NELL1: variants seen among roughly 807,000 people sequenced by gnomAD.
NELL1 encodes protein kinase C-binding protein NELL1.
Under a neutral mutation model 107.4 loss-of-function variants are expected in NELL1, and 76 were observed. The observed-to-expected ratio is 0.71, with a 90% CI of 0.59 to 0.86. The LOEUF is 0.86. Among genes scored for constraint, NELL1 ranks in the 40% least tolerant of loss-of-function variants. NELL1 has a pLI of 0.00. For synonymous variants in NELL1, 353 were observed against 341.2 expected (o/e 1.03, Z -0.38); for missense variants, 1,024 against 1,005.5 (o/e 1.02, Z -0.25).
chr11:21,517,464 G>A (rs1855594922), intron 15 of NELL1, among the ~76,000 whole-genome samples: 1 of 152,164 alleles, frequency 6.6e-6, no homozygotes, highest in Admixed American at 6.5e-5. Flanking sequence ...CCCTTGGGCA[G>A]AACATGTACG....
rs1590895215 is a variant in NELL1, at chr11:21,393,705, C to T, written c.1645+22757C>T. Among the ~76,000 whole-genome samples, 5 of 151,656 alleles carry T rather than the reference C, an allele frequency of 3.3e-5. No individual in the cohort carries two copies. In the South Asian group the frequency reaches 1.0e-3, roughly 32 times the overall value. On this transcript the variant is annotated intron_variant, in intron 15 of 19. Coordinates refer to ENST00000357134, the MANE Select transcript of NELL1 (RefSeq NM_006157.5). ...GATAGATTAGAAACTCATGAAAATA[C>T]TCTAATATATCCTGAGATTAAGATT...
intron 2 of NELL1, among the ~76,000 whole-genome samples, chr11:20,756,263 A>C (rs894256992): frequency 1.3e-5 from 2 of 152,182 alleles, no homozygotes; most frequent in African/African-American, 4.8e-5. Flanking sequence ...GAATAGGGAC[A>C]TAATGTCCAG....
Position 21,381,809 on chromosome 11 carries a change from A to T in NELL1, c.1645+10861A>T, listed in dbSNP as rs1170129058. Among the ~76,000 whole-genome samples the T allele has an allele frequency of 4.0e-5, 6 of 151,438 alleles. No individual in the cohort carries two copies. In the East Asian group the frequency reaches 9.8e-4, roughly 25 times the overall value. On this transcript the variant is annotated intron_variant, in intron 15 of 19. Transcript: ENST00000357134. ...ACATCTTATCAAGCTAACAAAAGTT[A>T]ATTTATGCAACAGAGTTCTGCTCTG... is the stretch of plus-strand genomic sequence containing the variant.
chr11:20,964,104 C>A (rs1424845352), intron 12 of NELL1, among the ~76,000 whole-genome samples: 1 of 152,148 alleles, frequency 6.6e-6, no homozygotes, highest in East Asian at 1.9e-4. Context: ...CCAGGAGGAG[C>A]ATTCTCCATT....
chr11:20,694,026 T>C (rs1338298980), intron 2 of NELL1, among the ~76,000 whole-genome samples: 1 of 152,096 alleles, frequency 6.6e-6, no homozygotes, highest in Non-Finnish European at 1.5e-5. Flanking sequence ...CTCGCTTCAT[T>C]TCATTCGTTT....
intron 13 of NELL1, among the ~76,000 whole-genome samples, chr11:21,201,852 G>T (rs2198512): frequency 6.6e-6 from 1 of 151,968 alleles, no homozygotes; most frequent in Non-Finnish European, 1.5e-5. Flanking sequence ...ATTGAATTTT[G>T]TCGAAGGCCT....
At chr11:20,959,115 G>A (rs934759738) in intron 11 of NELL1, among the ~76,000 whole-genome samples, 1 of 152,090 alleles carries the variant, frequency 6.6e-6, no homozygotes. Context: ...ATAGCTAAAG[G>A]CATTCACATG....
At chr11:21,139,171 C>T (rs1422264475) in intron 13 of NELL1, among the ~76,000 whole-genome samples, 2 of 152,214 alleles carry the variant, frequency 1.3e-5, no homozygotes, top group African/African-American at 4.8e-5. Flanking sequence ...AGAGGACCTT[C>T]TTTGGAAAGT....
intron 3 of NELL1, among the ~76,000 whole-genome samples, chr11:20,832,765 TATG>T (rs1020210431): frequency 1.3e-5 from 2 of 152,232 alleles, no homozygotes; most frequent in Non-Finnish European, 2.9e-5. Context: ...GCATGCTAGT[TATG>T]ATAAGTACTT....
At chr11:21,409,675 A>C (rs965312029) in intron 15 of NELL1, among the ~76,000 whole-genome samples, 2 of 152,058 alleles carry the variant, frequency 1.3e-5, no homozygotes, top group Non-Finnish European at 2.9e-5. Flanking sequence ...ACCTGTTTTA[A>C]CGTGAGTATA....
chr11:21,186,631 A>G (rs1165289862), intron 13 of NELL1, among the ~76,000 whole-genome samples: 1 of 151,852 alleles, frequency 6.6e-6, no homozygotes, highest in Non-Finnish European at 1.5e-5. Flanking sequence ...GGTTTCAAGG[A>G]AAGGCTAATA....
At chr11:21,142,156 C>G (rs1347645648) in intron 13 of NELL1, among the ~76,000 whole-genome samples, 1 of 152,206 alleles carries the variant, frequency 6.6e-6, no homozygotes, top group Non-Finnish European at 1.5e-5. Context: ...TCAGACCTGT[C>G]TCTTCCATCC....
intron 15 of NELL1, among the ~76,000 whole-genome samples, chr11:21,522,572 G>A (rs1418812492): frequency 2.0e-5 from 3 of 152,048 alleles, no homozygotes; most frequent in Admixed American, 1.3e-4. Context: ...GGTGTGCGGG[G>A]TGGGAGGGGA....
intron 15 of NELL1, among the ~76,000 whole-genome samples, chr11:21,381,335 C>A (rs1159850960): frequency 6.6e-6 from 1 of 151,902 alleles, no homozygotes; most frequent in African/African-American, 2.4e-5. Context: ...GTCACACTAC[C>A]TTAGTTTTAG....
chr11:21,122,166 G>A lies in NELL1; in HGVS notation c.1426+8452G>A, dbSNP rs1855382106. Reference sequence around the variant, plus strand: ...GATCAATGATGGAGCTTGCCCCTAGGGTGTTTGTGAACAAACCTATTAAGT... The same window carrying A: ...GATCAATGATGGAGCTTGCCCCTAGAGTGTTTGTGAACAAACCTATTAAGT... On this transcript the variant is annotated intron_variant, in intron 13 of 19. Transcript: ENST00000357134. Among the ~76,000 whole-genome samples, 3 of 152,200 alleles carry A rather than the reference G, an allele frequency of 2.0e-5. No individual in the cohort carries two copies. The South Asian group carries it at 6.2e-4, about 32-fold the overall frequency.
At chr11:21,282,285 A>G (rs558057502) in intron 14 of NELL1, among the ~76,000 whole-genome samples, 9 of 152,096 alleles carry the variant, frequency 5.9e-5, no homozygotes, top group Non-Finnish European at 1.3e-4. Flanking sequence ...GCAAATCAAA[A>G]CTACAATAAG....
At chr11:21,213,777 G>A (rs934536224) in intron 13 of NELL1, among the ~76,000 whole-genome samples, 1 of 152,112 alleles carries the variant, frequency 6.6e-6, no homozygotes, top group African/African-American at 2.4e-5. Context: ...GAGTCACTGG[G>A]TGTGCATAGG....
At chr11:21,236,131 C>A (rs1858200855) in intron 14 of NELL1, among the ~76,000 whole-genome samples, 1 of 152,138 alleles carries the variant, frequency 6.6e-6, no homozygotes, top group Non-Finnish European at 1.5e-5. Context: ...TCTATCCTCT[C>A]TTCTTCCAAC....
intron 14 of NELL1, among the ~76,000 whole-genome samples, chr11:21,340,432 G>A (rs534417260): frequency 1.2e-4 from 19 of 152,246 alleles, no homozygotes; most frequent in African/African-American, 3.4e-4. Flanking sequence ...GATTACAGGC[G>A]TGAGCCACCG....
Sources: gnomAD v4.1 joint callset for allele counts (sites outside exome capture counted in the v4.1 genomes callset) on GRCh38, gnomAD v4.1.1 for gene constraint, MANE v1.5 for transcripts, NCBI Gene and HGNC (gene_info 2026-07-23, HGNC 2026-07-21) for gene names.